Variants in UNC13C observed in about 807,000 individuals in gnomAD.
UNC13C encodes the protein protein unc-13 homolog C.
UNC13C carries 174 observed loss-of-function variants against 245.4 expected under a neutral mutation model. That is an observed-to-expected ratio of 0.71 (90% confidence interval 0.63 to 0.80). The LOEUF (loss-of-function observed/expected upper bound fraction) is 0.80, where lower values mean the gene tolerates loss of function less well. Ranked by LOEUF, UNC13C falls within the 30% of genes least tolerant of loss-of-function variation. The pLI, the probability that UNC13C is intolerant of heterozygous loss-of-function variation, is 0.00. For synonymous variants in UNC13C, 992 were observed against 895.1 expected, an observed-to-expected ratio of 1.11 and a Z score of -1.93; for missense variants, 2,829 against 2,602.9, an observed-to-expected ratio of 1.09 and a Z score of -1.89.
At chr15:54,068,319 T>C (rs1898164639) in intron 2 of UNC13C, among the ~76,000 whole-genome samples, 1 of 152,210 alleles carries the variant, frequency 6.6e-6, no homozygotes, top group Non-Finnish European at 1.5e-5. Flanking sequence ...TTTGCCATTA[T>C]AGAGGTAGCT....
the UNC13C span, among the ~76,000 whole-genome samples, chr15:53,959,026 A>T: frequency 0.36 from 54,311 of 151,966 alleles, 11,146 homozygotes; most frequent in Middle Eastern, 0.5. Flanking sequence ...TAGCTCCCAC[A>T]TATAGGCGAG....
the UNC13C span, among the ~76,000 whole-genome samples, chr15:53,851,741 C>T: frequency 6.6e-6 from 1 of 152,102 alleles, no homozygotes; most frequent in Non-Finnish European, 1.5e-5. Flanking sequence ...CGCATTGTGA[C>T]GTGGTTGTCC....
the UNC13C span, chr15:53,914,461 G>A: frequency 6.6e-6 from 1 of 152,254 alleles, no homozygotes; most frequent in Non-Finnish European, 1.5e-5. Flanking sequence ...CAGAAAGAGA[G>A]AGTCAGGGCT....
intron 7 of UNC13C, among the ~76,000 whole-genome samples, chr15:54,240,319 G>A (rs181213600): frequency 8.6e-4 from 131 of 152,204 alleles, no homozygotes; most frequent in African/African-American, 2.8e-3. Flanking sequence ...ACGAGCTGTC[G>A]CATTCAGTCA....
intron 15 of UNC13C, 86 bp downstream of exon 15, chr15:54,332,197 A>G (rs2140995299): frequency 1.1e-6 from 1 of 906,256 alleles, no homozygotes; most frequent in Non-Finnish European, 1.7e-6. Flanking sequence ...CCCATCATGT[A>G]ATAGAAAAAT....
At chr15:54,552,549 T>TATAA in intron 28 of UNC13C, among the ~76,000 whole-genome samples, 1 of 81,412 alleles carries the variant, frequency 1.2e-5, no homozygotes. Context: ...ATATATTATA[T>TATAA]TGTATATAAT....
chr15:54,076,327 C>T (rs1033755059), intron 2 of UNC13C, among the ~76,000 whole-genome samples: 6 of 137,062 alleles, frequency 4.4e-5, no homozygotes, highest in African/African-American at 1.4e-4. Context: ...TCTCATTGTT[C>T]ATTTCCCACC....
chr15:54,117,488 C>T (rs1049357261), intron 2 of UNC13C, among the ~76,000 whole-genome samples: 3 of 147,786 alleles, frequency 2.0e-5, no homozygotes, highest in African/African-American at 7.5e-5. Context: ...CATTCTTCTG[C>T]ATATGGTAAT....
At chr15:54,618,944 T>A (rs1314388944) in intron 30 of UNC13C, among the ~76,000 whole-genome samples, 1 of 152,164 alleles carries the variant, frequency 6.6e-6, no homozygotes, top group Non-Finnish European at 1.5e-5. Context: ...TACTGTCAAT[T>A]ATAAACATAC....
chr15:54,145,974 A>G (rs1478537146), intron 4 of UNC13C, among the ~76,000 whole-genome samples: 3 of 152,076 alleles, frequency 2.0e-5, no homozygotes, highest in Non-Finnish European at 2.9e-5. Context: ...TCTTTCAACG[A>G]CTTTCTAAGG....
At chr15:54,187,173 G>A (rs1378405176) in intron 4 of UNC13C, among the ~76,000 whole-genome samples, 1 of 152,016 alleles carries the variant, frequency 6.6e-6, no homozygotes, top group Non-Finnish European at 1.5e-5. Flanking sequence ...CTTTAAATTA[G>A]ATCAAAATTA....
At chr15:54,396,573 T>A (rs1270159556) in intron 18 of UNC13C, among the ~76,000 whole-genome samples, 1 of 151,640 alleles carries the variant, frequency 6.6e-6, no homozygotes, top group African/African-American at 2.4e-5. Flanking sequence ...GAATATTTGT[T>A]TACAAGTCTT....
chr15:54,525,408 A>T, intron 24 of UNC13C, 141 bp from the exon 25 acceptor site: 1 of 553,018 alleles, frequency 1.8e-6, no homozygotes, highest in Non-Finnish European at 3.0e-6. Flanking sequence ...TTGATTTCAA[A>T]GACCAAAAAA....
chr15:53,989,930 G>A (rs1344947578), intron 1 of UNC13C, among the ~76,000 whole-genome samples: 6 of 151,890 alleles, frequency 4.0e-5, no homozygotes, highest in Admixed American at 1.3e-4. Context: ...GGAAAAAATG[G>A]GTGAAGAGTC....
upstream of UNC13C, among the ~76,000 whole-genome samples, chr15:53,974,067 G>A (rs1893623506): frequency 6.6e-6 from 1 of 152,076 alleles, no homozygotes; most frequent in Admixed American, 6.6e-5. Context: ...CTTTGAGCCT[G>A]TTTCATCATT....
intron 4 of UNC13C, among the ~76,000 whole-genome samples, chr15:54,150,422 G>C (rs1188593926): frequency 6.6e-6 from 1 of 152,200 alleles, no homozygotes; most frequent in African/African-American, 2.4e-5. Flanking sequence ...TTAGTCCTCA[G>C]CACACTGTCT....
At chr15:54,317,130 ATAGATGAATGTATTATAAT>A (rs1767183728) in intron 13 of UNC13C, among the ~76,000 whole-genome samples, 1 of 151,996 alleles carries the variant, frequency 6.6e-6, no homozygotes, top group African/African-American at 2.4e-5. Flanking sequence ...ATCAATTTTC[ATAGATGAATGTATTATAAT>A]TACTATTTGA....
chr15:53,986,713 T>G (rs1894158492), intron 1 of UNC13C, among the ~76,000 whole-genome samples: 1 of 152,074 alleles, frequency 6.6e-6, no homozygotes, highest in Non-Finnish European at 1.5e-5. Context: ...TTGCCTCACT[T>G]TTCATTGTGA....
At chr15:54,529,112 C>G in intron 25 of UNC13C, among the ~76,000 whole-genome samples, 1 of 152,128 alleles carries the variant, frequency 6.6e-6, no homozygotes, top group East Asian at 1.9e-4. Flanking sequence ...ATGCAAGGAT[C>G]AAGGAACCAA....
Sources: allele counts gnomAD v4.1 joint callset (sites outside exome capture counted in the v4.1 genomes callset), GRCh38; gene constraint gnomAD v4.1.1; transcripts MANE v1.5; gene names NCBI Gene and HGNC (gene_info 2026-07-23, HGNC 2026-07-21).